Variants in SHQ1 observed in about 807,000 individuals in gnomAD.
The protein encoded by SHQ1 is protein SHQ1 homolog.
Under a neutral mutation model 53.8 loss-of-function variants are expected in SHQ1, and 49 were observed. That is an observed-to-expected ratio of 0.91 (90% CI 0.72 to 1.16). The LOEUF is 1.16. Among genes scored for constraint, SHQ1 ranks in the 50% most tolerant of loss-of-function variants. The pLI, the probability that SHQ1 is intolerant of heterozygous loss-of-function variation, is 0.00. For missense variants in SHQ1, 738 were observed against 683.1 expected, an observed-to-expected ratio of 1.08 and a Z score of -0.90; for synonymous variants, 243 against 251.0, an observed-to-expected ratio of 0.97 and a Z score of 0.30.
At position 72,842,192 on chromosome 3, in the gene SHQ1, A is replaced by G; in HGVS notation, c.331+88T>C. 3 of 1,435,418 alleles carry G rather than the reference A, an allele frequency of 2.1e-6. No individual in the cohort carries two copies. In the South Asian group the frequency reaches 3.8e-5, roughly 18 times the overall value. 88.9% of individuals were successfully genotyped at this position (1,435,418 alleles called of 1,614,324 possible). A position where few individuals can be genotyped will look rare whatever the true frequency, so the allele number is the denominator to read the frequency against. ...CCTGAAGTATTTTCTTCAATTTCCT[A>G]TTCACTATATCCCATTTCCCCTACA... On this transcript the variant is annotated intron_variant, in intron 3 of 10. Coordinates refer to ENST00000325599, the MANE Select transcript of SHQ1 (RefSeq NM_018130.3).
At chr3:72,751,495 TGTGTGTGTGTG>T (rs1705369166) in intron 10 of SHQ1, among the ~76,000 whole-genome samples, 3 of 123,792 alleles carry the variant, frequency 2.4e-5, no homozygotes, top group African/African-American at 1.2e-4. Context: ...TGTGTGTGTG[TGTGTGTGTGTG>T]TGTATATATA....
chr3:72,754,826 A>G (rs577460667), intron 10 of SHQ1, among the ~76,000 whole-genome samples: 1 of 152,364 alleles, frequency 6.6e-6, no homozygotes, highest in Admixed American at 6.5e-5. Context: ...TAACAATGTT[A>G]AATGAAGTAT....
intron 10 of SHQ1, among the ~76,000 whole-genome samples, chr3:72,757,937 C>T (rs545899448): frequency 6.6e-6 from 1 of 152,210 alleles, no homozygotes; most frequent in East Asian, 1.9e-4. Flanking sequence ...CACAAGTTTA[C>T]CTATATAACA....
chr3:72,778,551 T>C lies in SHQ1; in HGVS notation c.1181+14365A>G, dbSNP rs1363431085. On this transcript the variant is annotated intron_variant, in intron 10 of 10. Transcript: ENST00000325599. The stretch of plus-strand genomic sequence containing the variant: ...CTTTCATTTGTGTAATTGTATACAC[T>C]TAATTTGCATAATTTGTATACACTT... 2.0e-5 allele frequency among the ~76,000 whole-genome samples: 3 copies of C among 152,220 alleles called. No homozygotes were observed. The East Asian group carries it at 5.8e-4, about 29-fold the overall frequency.
chr3:72,818,096 G>C (rs1707373473), intron 6 of SHQ1, among the ~76,000 whole-genome samples: 1 of 151,754 alleles, frequency 6.6e-6, no homozygotes, highest in South Asian at 2.1e-4. Context: ...ATCACATACA[G>C]ACACACAAGC....
intron 10 of SHQ1, among the ~76,000 whole-genome samples, chr3:72,758,567 CTTTTTTTTTTTTTT>C (rs869225766): frequency 7.9e-6 from 1 of 126,114 alleles, no homozygotes; most frequent in African/African-American, 3.0e-5. Flanking sequence ...ACTATTTTTT[CTTTTTTTTTTTTTT>C]TTTTCCGAGA....
intron 10 of SHQ1, among the ~76,000 whole-genome samples, chr3:72,756,487 G>A (rs1431514061): frequency 2.0e-5 from 3 of 152,102 alleles, no homozygotes; most frequent in Non-Finnish European, 4.4e-5. Flanking sequence ...ATGTTGGCCA[G>A]GCTGGTCTCA....
intron 9 of SHQ1, among the ~76,000 whole-genome samples, chr3:72,808,529 G>A (rs1334172196): frequency 6.6e-6 from 1 of 152,062 alleles, no homozygotes; most frequent in Non-Finnish European, 1.5e-5. Flanking sequence ...TTGCAAAATG[G>A]GGATAGTAAT....
chr3:72,825,134 G>T (rs1231920023), intron 5 of SHQ1, among the ~76,000 whole-genome samples: 3 of 152,042 alleles, frequency 2.0e-5, no homozygotes, highest in African/African-American at 7.3e-5. Context: ...GTACATAGAA[G>T]ACTGGTCCTA....
chr3:72,741,548 T>A, the SHQ1 span, among the ~76,000 whole-genome samples: 3 of 151,286 alleles, frequency 2.0e-5, no homozygotes, highest in Non-Finnish European at 4.4e-5. Context: ...ATCGTGCCAC[T>A]GCATTCTAGC....
In SHQ1 at chr3:72,840,242, TAAA is replaced by T. The variant is rs71623990; in HGVS notation, c.486+800_486+802del. Among the ~76,000 whole-genome samples the T allele has an allele frequency of 2.8e-3, 259 of 93,560 alleles. 1 individual carries two copies. The highest frequency in any genetic ancestry group is 0.01 in the African/African-American group (225 of 22,482). The allele number at this position is 93,560 out of a possible 152,430, so 61.4% of individuals were successfully genotyped here. A position where few individuals can be genotyped will look rare whatever the true frequency, so the allele number is the denominator to read the frequency against. On this transcript the variant is annotated intron_variant, in intron 4 of 10. Transcript: ENST00000325599. ...ACTCCAGCAAAGTGAGACTCTGTCT[TAAA>T]AAAAAAAAAAAAAAAAAAAAGAATA...
intron 10 of SHQ1, among the ~76,000 whole-genome samples, chr3:72,761,741 T>A (rs183282159): frequency 1.6e-4 from 24 of 152,262 alleles, no homozygotes; most frequent in African/African-American, 5.1e-4. Flanking sequence ...GAAAATAATG[T>A]GGCACCTTCT....
In SHQ1 at chr3:72,832,377, A is replaced by T; in HGVS notation, c.591T>A (p.Asp197Glu). 1.2e-6 allele frequency: 2 copies of T among 1,608,412 alleles called. No homozygotes were observed. Among genetic ancestry groups the T allele is most frequent in the Non-Finnish European group, 1.7e-6 (2 of 1,176,790 alleles). Residue 197 changes from aspartate to glutamate, a missense_variant, in exon 5 of 11, where the codon GAT (aspartate) becomes GAA (glutamate). Asp to Glu is a conservative substitution (Grantham distance 45, BLOSUM62 2). Coordinates refer to ENST00000325599, the MANE Select transcript of SHQ1 (RefSeq NM_018130.3). ...AAAATCTCATTACTCACAGATAATGATCAGGATCAAACTTGGCCAGCTCAG... is the reference window on the plus strand; with the variant it reads ...AAAATCTCATTACTCACAGATAATGTTCAGGATCAAACTTGGCCAGCTCAG... The part of the protein sequence containing the change: ...LAAELAKFDP[D>E]HYLADFFEDE...
At chr3:72,729,807 A>T in the SHQ1 span, among the ~76,000 whole-genome samples, 15 of 152,216 alleles carry the variant, frequency 9.9e-5, no homozygotes, top group South Asian at 6.2e-4. Context: ...TTTTCAAATT[A>T]AATTTTATTT....
chr3:72,780,432 A>G (rs766947903), intron 10 of SHQ1, among the ~76,000 whole-genome samples: 6 of 152,228 alleles, frequency 3.9e-5, no homozygotes, highest in Non-Finnish European at 7.3e-5. Flanking sequence ...AGTGAAGTCA[A>G]TTTCTTCTAG....
chr3:72,841,128 C>A lies in SHQ1; in HGVS notation c.403G>T (p.Glu135Ter). The change falls in exon 4 of 11, where the codon GAA becomes TAA. Residue 135 changes from glutamate to a stop codon, truncating the protein, a stop_gained. Coordinates refer to ENST00000325599, the MANE Select transcript of SHQ1 (RefSeq NM_018130.3). LOFTEE classifies it high-confidence loss of function. ...TTCAAAGCACTTTCTGATACCTCTT[C>A]ACAGGGTGTCTGCTCAATTTCCCAA... ...FDWEIEQTPC[E>*]EVSESALNPQ... 1 of 1,614,006 alleles carries A rather than the reference C, an allele frequency of 6.2e-7. No homozygotes were observed. The highest frequency in any genetic ancestry group is 8.5e-7 in the Non-Finnish European group (1 of 1,179,934).
At chr3:72,765,703 G>A (rs1011772376) in intron 10 of SHQ1, among the ~76,000 whole-genome samples, 2 of 151,510 alleles carry the variant, frequency 1.3e-5, no homozygotes, top group Non-Finnish European at 2.9e-5. Context: ...ACAGGCACGT[G>A]CCACTACACC....
chr3:72,788,890 A>G (rs1706342995), intron 10 of SHQ1, among the ~76,000 whole-genome samples: 1 of 152,136 alleles, frequency 6.6e-6, no homozygotes, highest in South Asian at 2.1e-4. Flanking sequence ...CATACTCGTT[A>G]AGAGTCATCA....
chr3:72,792,759 G>C (rs2106794559), intron 10 of SHQ1, among the ~76,000 whole-genome samples, 157 bp downstream of exon 10: 1 of 145,802 alleles, frequency 6.9e-6, no homozygotes, highest in South Asian at 2.2e-4. Context: ...ACTCCAGCCT[G>C]GGTGACAAGG....
Sources: gnomAD v4.1 joint callset for allele counts (sites outside exome capture counted in the v4.1 genomes callset) on GRCh38, gnomAD v4.1.1 for gene constraint, MANE v1.5 for transcripts, NCBI Gene and HGNC (gene_info 2026-07-23, HGNC 2026-07-21) for gene names.